Variants in MANBA observed in about 807,000 individuals in gnomAD.
The protein encoded by MANBA is beta-mannosidase.
Under a neutral mutation model 111.1 loss-of-function variants are expected in MANBA, and 83 were observed. That is an observed-to-expected ratio of 0.75 (90% CI 0.63 to 0.90). The LOEUF (loss-of-function observed/expected upper bound fraction) is 0.90. Among genes scored for constraint, MANBA ranks in the 40% least tolerant of loss-of-function variants. MANBA has a pLI of 0.00. For synonymous variants in MANBA, 370 were observed against 378.7 expected (o/e 0.98, Z 0.27); for missense variants, 1,036 against 1,069.0 (o/e 0.97, Z 0.43).
At chr4:102,651,605 C>T (rs867348658) in intron 12 of MANBA, among the ~76,000 whole-genome samples, 1 of 152,102 alleles carries the variant, frequency 6.6e-6, no homozygotes, top group Admixed American at 6.6e-5. Flanking sequence ...CCCCTCCACC[C>T]AAAAACCTGA....
At chr4:102,683,830 T>C (rs1203996405) in intron 7 of MANBA, among the ~76,000 whole-genome samples, 1 of 152,230 alleles carries the variant, frequency 6.6e-6, no homozygotes, top group Non-Finnish European at 1.5e-5. Flanking sequence ...TTGTTATTTA[T>C]TAATGTTTAA....
In MANBA at chr4:102,664,552, G is replaced by A. The variant is rs1039928813; in HGVS notation, c.1485+133C>T. 23 of 736,010 alleles carry A rather than the reference G, an allele frequency of 3.1e-5. No individual in the cohort carries two copies. The Admixed American group carries it at 3.5e-4, about 11-fold the overall frequency. The allele number at this position is 736,010 out of a possible 1,614,324, so 45.6% of individuals were successfully genotyped here. On this transcript the variant is annotated intron_variant, in intron 11 of 16. Coordinates refer to ENST00000647097, the MANE Select transcript of MANBA (RefSeq NM_005908.4). ...TTTTTAGTAGAGACGGGGTTTCACC[G>A]TGGTCTCGATCTCCTGACCTTGTGA...
chr4:102,755,389 A>C (rs1463759573), intron 1 of MANBA, among the ~76,000 whole-genome samples: 2 of 152,252 alleles, frequency 1.3e-5, no homozygotes, highest in Admixed American at 6.5e-5. Flanking sequence ...CCTATTTAAT[A>C]AATGGTGCTG....
At chr4:102,730,021 C>G in intron 1 of MANBA, 1 of 816,038 alleles carries the variant, frequency 1.2e-6, no homozygotes, top group Non-Finnish European at 2.1e-6. Context: ...TAGCCTCCGC[C>G]CAGACAACCT....
At chr4:102,645,721 T>C (rs1026091705) in intron 13 of MANBA, among the ~76,000 whole-genome samples, 9 of 152,136 alleles carry the variant, frequency 5.9e-5, no homozygotes, top group Non-Finnish European at 4.4e-5. Flanking sequence ...TGAGTAGTAA[T>C]ATTTCCTCTT....
At chr4:102,674,095 G>A in intron 7 of MANBA, 25 bp from the exon 8 acceptor site, 3 of 1,547,626 alleles carry the variant, frequency 1.9e-6, no homozygotes, top group African/African-American at 1.4e-5. Flanking sequence ...ATTAAATGAT[G>A]AATATCAAAT....
intron 7 of MANBA, among the ~76,000 whole-genome samples, chr4:102,676,013 T>G (rs1426360274): frequency 6.6e-6 from 1 of 152,086 alleles, no homozygotes. Flanking sequence ...ATAACTGCAC[T>G]ATCTGTCTAT....
At chr4:102,632,352 T>C in intron 16 of MANBA, 71 bp from the exon 17 acceptor site, 1 of 1,226,746 alleles carries the variant, frequency 8.2e-7, no homozygotes, top group Admixed American at 1.8e-5. Context: ...ATACAGTTCC[T>C]GTAAACATTT....
At chr4:102,750,492 C>T (rs983268926) in intron 1 of MANBA, among the ~76,000 whole-genome samples, 1 of 152,054 alleles carries the variant, frequency 6.6e-6, no homozygotes, top group Admixed American at 6.5e-5. Context: ...CTCTGAAACA[C>T]ATCAAAAATA....
rs1729523377 is a variant in MANBA at position 102,634,447 on chromosome 4, G to A, written c.2415+341C>T. 2.0e-5 allele frequency among the ~76,000 whole-genome samples: 3 copies of A among 151,362 alleles called. No individual in the cohort carries two copies. In the Admixed American group the frequency reaches 2.0e-4, roughly 10 times the overall value. On this transcript the variant is annotated intron_variant, in intron 16 of 16. Coordinates refer to ENST00000647097, the MANE Select transcript of MANBA (RefSeq NM_005908.4). ...GCCTGGAGCTGTGGTGAAAGTCAGA[G>A]ACTATGAGGTGAAGCACCTAGAACA...
At chr4:102,642,812 T>C (rs1180481732) in intron 13 of MANBA, among the ~76,000 whole-genome samples, 1 of 152,150 alleles carries the variant, frequency 6.6e-6, no homozygotes, top group Non-Finnish European at 1.5e-5. Context: ...GATGGAGTTG[T>C]AGCTGGACTA....
chr4:102,664,883 CAA>C (rs998983619), intron 10 of MANBA, 31 bp from the exon 11 acceptor site: 5 of 1,521,380 alleles, frequency 3.3e-6, no homozygotes, highest in Non-Finnish European at 4.6e-6. Context: ...AAATGATTTT[CAA>C]AGAGTTAACA....
At chr4:102,758,696 C>A (rs1724118014) in intron 1 of MANBA, among the ~76,000 whole-genome samples, 1 of 151,984 alleles carries the variant, frequency 6.6e-6, no homozygotes, top group Admixed American at 6.6e-5. Context: ...GTGTACGCCA[C>A]CACGCCCAGT....
chr4:102,656,436 G>A (rs1369744715), intron 12 of MANBA, among the ~76,000 whole-genome samples: 2 of 152,156 alleles, frequency 1.3e-5, no homozygotes, highest in African/African-American at 4.8e-5. Context: ...ACAAGTGTTG[G>A]CAAGGATGTA....
intron 7 of MANBA, among the ~76,000 whole-genome samples, chr4:102,685,785 A>C (rs1732183307): frequency 6.6e-6 from 1 of 152,134 alleles, no homozygotes; most frequent in Non-Finnish European, 1.5e-5. Context: ...AGACCCCCCC[A>C]TTCAAGTTTT....
At chr4:102,689,207 G>A (rs1732357469) in intron 7 of MANBA, among the ~76,000 whole-genome samples, 1 of 151,924 alleles carries the variant, frequency 6.6e-6, no homozygotes, top group Admixed American at 6.6e-5. Flanking sequence ...AAGTTAGCTG[G>A]GCGTGGTGGC....
At chr4:102,671,940 C>A in intron 8 of MANBA, 1 of 406,556 alleles carries the variant, frequency 2.5e-6, no homozygotes, top group South Asian at 1.2e-4. Flanking sequence ...GAACAGTGCT[C>A]AAACCAAGTA....
At chr4:102,743,948 T>C (rs1406691195) in intron 1 of MANBA, among the ~76,000 whole-genome samples, 1 of 152,212 alleles carries the variant, frequency 6.6e-6, no homozygotes, top group Non-Finnish European at 1.5e-5. Flanking sequence ...ACACCATCTC[T>C]ATCTGCCACT....
intron 11 of MANBA, among the ~76,000 whole-genome samples, chr4:102,660,294 T>C (rs1035704834): frequency 1.3e-5 from 2 of 152,048 alleles, no homozygotes; most frequent in African/African-American, 4.8e-5. Context: ...TCACCGAATT[T>C]CCAATCCCAC....
Sources: allele counts gnomAD v4.1 joint callset (sites outside exome capture counted in the v4.1 genomes callset), GRCh38; gene constraint gnomAD v4.1.1; transcripts MANE v1.5; gene names NCBI Gene and HGNC (gene_info 2026-07-23, HGNC 2026-07-21).